KCNMA1: variants seen among roughly 807,000 people sequenced by gnomAD.
KCNMA1 encodes the protein potassium calcium-activated channel subfamily M alpha 1.
Under a neutral mutation model 140.0 loss-of-function variants are expected in KCNMA1, and 29 were observed. The observed-to-expected ratio is 0.21, with a 90% CI of 0.15 to 0.28. The LOEUF (loss-of-function observed/expected upper bound fraction) is 0.28. Ranked by LOEUF, KCNMA1 falls within the 10% of genes least tolerant of loss-of-function variation. The probability of loss-of-function intolerance (pLI) is 1.00; values close to 1 mark genes in which losing one functional copy is unlikely to be tolerated. For missense variants in KCNMA1, 880 were observed against 1,602.2 expected, an observed-to-expected ratio of 0.55 and a Z score of 7.70; for synonymous variants, 612 against 611.9, an observed-to-expected ratio of 1.00 and a Z score of 0.00.
intron 25 of KCNMA1, chr10:76,902,728 C>T (rs575457530): frequency 6.6e-6 from 1 of 152,142 alleles, no homozygotes; most frequent in Non-Finnish European, 1.5e-5. Flanking sequence ...CTTTGCTATC[C>T]AATAGGCACA....
intron 2 of KCNMA1, among the ~76,000 whole-genome samples, chr10:77,256,237 G>C (rs1358040096): frequency 6.6e-6 from 1 of 152,166 alleles, no homozygotes; most frequent in African/African-American, 2.4e-5. Context: ...TGGAGTTGCT[G>C]CAATTAGGCC....
intron 5 of KCNMA1, among the ~76,000 whole-genome samples, chr10:77,170,818 GA>G (rs2098698394): frequency 1.3e-5 from 2 of 152,160 alleles, no homozygotes; most frequent in South Asian, 4.1e-4. Flanking sequence ...CAAGGACTTG[GA>G]ATACCTTAGA....
At position 77,001,588 on chromosome 10, in the gene KCNMA1, C is replaced by T. The variant is rs374717279; in HGVS notation, c.2093-8G>A. 10 of 1,548,326 alleles carry T rather than the reference C, an allele frequency of 6.5e-6. No individual in the cohort carries two copies. The South Asian group carries it at 7.2e-5, about 11-fold the overall frequency. On this transcript the variant is annotated splice_polypyrimidine_tract_variant and splice_region_variant and intron_variant, in intron 18 of 27. Coordinates refer to ENST00000286628, the MANE Select transcript of KCNMA1 (RefSeq NM_001161352.2). ...TGTAGATGGACATCTTGGCTATAAC[C>T]GTGTGGTTGGATGGGAGGAGAGGAA...
chr10:76,879,495 A>C (rs2033678098), intron 29 of KCNMA1, among the ~76,000 whole-genome samples: 1 of 152,188 alleles, frequency 6.6e-6, no homozygotes, highest in Admixed American at 6.5e-5. Context: ...TGATAAAGTT[A>C]CAATCTGTTC....
chr10:77,106,668 C>T (rs2097204372), intron 9 of KCNMA1, among the ~76,000 whole-genome samples: 1 of 152,196 alleles, frequency 6.6e-6, no homozygotes, highest in Non-Finnish European at 1.5e-5. Context: ...GATAGGGAGG[C>T]CATAAAGAGA....
chr10:77,157,518 AT>A (rs2098502417), intron 5 of KCNMA1, among the ~76,000 whole-genome samples: 1 of 152,154 alleles, frequency 6.6e-6, no homozygotes, highest in African/African-American at 2.4e-5. Flanking sequence ...TTTCTCTTAA[AT>A]GAATATGTTG....
intron 1 of KCNMA1, among the ~76,000 whole-genome samples, chr10:77,584,534 T>C (rs922734956): frequency 2.0e-5 from 3 of 152,168 alleles, no homozygotes; most frequent in African/African-American, 7.2e-5. Flanking sequence ...TTTGTATTTT[T>C]AGTAGAGACA....
intron 14 of KCNMA1, among the ~76,000 whole-genome samples, chr10:77,068,692 C>T (rs531008088): frequency 1.6e-5 from 1 of 62,980 alleles, no homozygotes; most frequent in African/African-American, 7.2e-5. Flanking sequence ...TACTGTGTTC[C>T]AGGTTTTGTG....
At chr10:77,101,709 C>T (rs1292998176) in intron 9 of KCNMA1, among the ~76,000 whole-genome samples, 1 of 152,130 alleles carries the variant, frequency 6.6e-6, no homozygotes, top group African/African-American at 2.4e-5. Flanking sequence ...TCGACCAGAG[C>T]CATGTCTGCA....
At chr10:77,409,978 G>A (rs569766902) in intron 1 of KCNMA1, among the ~76,000 whole-genome samples, 2 of 152,128 alleles carry the variant, frequency 1.3e-5, no homozygotes, top group Admixed American at 1.3e-4. Flanking sequence ...ACAGAGCATT[G>A]CCTTTCTGAA....
At chr10:77,190,767 G>C (rs922585259) in intron 3 of KCNMA1, among the ~76,000 whole-genome samples, 9 of 152,134 alleles carry the variant, frequency 5.9e-5, no homozygotes, top group African/African-American at 1.9e-4. Flanking sequence ...GACCCCGTGT[G>C]GGGTGGTGGT....
Position 76,909,948 on chromosome 10 carries a change from G to T in KCNMA1, c.3147+18C>A. Reference sequence around the variant, plus strand: ...ATCCTCCACCCTTGAGTGAGGAGGAGGGAACAGGATAACTCACCGCGCTCA... The same window carrying T: ...ATCCTCCACCCTTGAGTGAGGAGGATGGAACAGGATAACTCACCGCGCTCA... On this transcript the variant is annotated intron_variant, in intron 25 of 27. Coordinates refer to ENST00000286628, the MANE Select transcript of KCNMA1 (RefSeq NM_001161352.2). 6.2e-7 allele frequency: 1 copy of T among 1,612,124 alleles called. No individual in the cohort carries two copies. The highest frequency in any genetic ancestry group is 8.5e-7 in the Non-Finnish European group (1 of 1,179,582).
At chr10:77,514,018 A>G (rs895322740) in intron 1 of KCNMA1, among the ~76,000 whole-genome samples, 3 of 152,256 alleles carry the variant, frequency 2.0e-5, no homozygotes, top group Non-Finnish European at 2.9e-5. Context: ...TCCCAGTGCC[A>G]GCACAGAGCA....
chr10:77,231,010 G>A (rs1265053398), intron 3 of KCNMA1, among the ~76,000 whole-genome samples: 1 of 152,138 alleles, frequency 6.6e-6, no homozygotes, highest in East Asian at 1.9e-4. Flanking sequence ...TCTAGAGAAG[G>A]ACCTAGAGTA....
At position 76,898,180 on chromosome 10, in the gene KCNMA1, C is replaced by G. The variant is rs373487677; in HGVS notation, c.3148-6461G>C. ...TTCAGACTTGTTCAAATGCCAAAAT[C>G]AAACTCTGATATCTTTAAAAGAGAA... On this transcript the variant is annotated intron_variant, in intron 25 of 27. Coordinates refer to ENST00000286628, the MANE Select transcript of KCNMA1 (RefSeq NM_001161352.2). Among the ~76,000 whole-genome samples, 4 of 151,608 alleles carry G rather than the reference C, an allele frequency of 2.6e-5. No individual in the cohort carries two copies. In the South Asian group the frequency reaches 8.3e-4, roughly 32 times the overall value.
intron 1 of KCNMA1, among the ~76,000 whole-genome samples, chr10:77,596,944 G>A (rs896610859): frequency 4.6e-5 from 7 of 152,170 alleles, no homozygotes; most frequent in African/African-American, 7.2e-5. Flanking sequence ...AGCAACTAGA[G>A]GGCAAAGCCA....
At chr10:77,557,437 T>C (rs536466964) in intron 1 of KCNMA1, among the ~76,000 whole-genome samples, 1 of 152,282 alleles carries the variant, frequency 6.6e-6, no homozygotes, top group African/African-American at 2.4e-5. Context: ...CCAACTGGGT[T>C]TATGAGACAA....
At chr10:77,506,644 GGAGAGAGAGAGA>G (rs36130333) in intron 1 of KCNMA1, among the ~76,000 whole-genome samples, 1 of 37,866 alleles carries the variant, frequency 2.6e-5, no homozygotes. Flanking sequence ...AGACAGAGAG[GGAGAGAGAGAGA>G]GAGAGAGAGA....
At chr10:76,932,067 C>T (rs968724359) in intron 23 of KCNMA1, among the ~76,000 whole-genome samples, 2 of 152,168 alleles carry the variant, frequency 1.3e-5, no homozygotes, top group Non-Finnish European at 2.9e-5. Flanking sequence ...GCTTTAACAG[C>T]CATTCATTCA....
Sources: allele counts gnomAD v4.1 joint callset (sites outside exome capture counted in the v4.1 genomes callset), GRCh38; gene constraint gnomAD v4.1.1; transcripts MANE v1.5; gene names NCBI Gene and HGNC (gene_info 2026-07-23, HGNC 2026-07-21).